The following MACROD2 variants were observed in gnomAD, a reference collection of about 807,000 sequenced individuals.
The protein encoded by MACROD2 is ADP-ribose glycohydrolase MACROD2.
In MACROD2, 36 loss-of-function variants were observed where a neutral mutation model predicts 70.4. That is an observed-to-expected ratio of 0.51 (90% CI 0.39 to 0.68). MACROD2 has a LOEUF of 0.68. MACROD2 is among the 30% of genes least tolerant of loss of function. MACROD2 has a pLI of 0.00. For missense variants in MACROD2, 496 were observed against 538.4 expected, an observed-to-expected ratio of 0.92 and a Z score of 0.78; for synonymous variants, 172 against 178.8, an observed-to-expected ratio of 0.96 and a Z score of 0.30.
intron 3 of MACROD2, among the ~76,000 whole-genome samples, chr20:14,429,201 G>A (rs1292317939): frequency 1.3e-5 from 2 of 152,116 alleles, no homozygotes; most frequent in African/African-American, 4.8e-5. Context: ...AGGTTCTAAG[G>A]TTGTAAGAAA....
intron 10 of MACROD2, among the ~76,000 whole-genome samples, chr20:15,925,160 A>G (rs755265893): frequency 5.8e-4 from 88 of 152,232 alleles, no homozygotes; most frequent in Admixed American, 4.9e-3. Context: ...CAACTAGTAG[A>G]ATAACTGTGT....
At chr20:14,776,893 A>G (rs990454679) in intron 5 of MACROD2, among the ~76,000 whole-genome samples, 14 of 152,028 alleles carry the variant, frequency 9.2e-5, no homozygotes. Context: ...CCAAATTTAA[A>G]TAAATAGAGC....
chr20:14,060,698 T>C (rs1468671044), intron 2 of MACROD2, among the ~76,000 whole-genome samples: 1 of 152,164 alleles, frequency 6.6e-6, no homozygotes, highest in Non-Finnish European at 1.5e-5. Context: ...TGCTATTATG[T>C]TATTTCTCTT....
intron 5 of MACROD2, among the ~76,000 whole-genome samples, chr20:14,968,854 G>C (rs1361067964): frequency 6.6e-6 from 1 of 152,058 alleles, no homozygotes; most frequent in Non-Finnish European, 1.5e-5. Flanking sequence ...TTCTAGCCCT[G>C]GGGTTCAAGT....
At chr20:15,857,444 T>G (rs556281211) in intron 8 of MACROD2, among the ~76,000 whole-genome samples, 1 of 152,280 alleles carries the variant, frequency 6.6e-6, no homozygotes, top group East Asian at 1.9e-4. Context: ...TGCCGAAGGA[T>G]CCAGTGCTCT....
intron 5 of MACROD2, among the ~76,000 whole-genome samples, chr20:14,980,220 GA>G (rs2074784580): frequency 6.6e-6 from 1 of 152,152 alleles, no homozygotes; most frequent in Admixed American, 6.5e-5. Flanking sequence ...TCTCATGAAT[GA>G]ATCAATCCAT....
chr20:15,862,297 A>G lies in MACROD2; in HGVS notation c.646-448A>G, dbSNP rs554722339. Among the ~76,000 whole-genome samples, 5 of 152,322 alleles carry G rather than the reference A, an allele frequency of 3.3e-5. No individual in the cohort carries two copies. The South Asian group carries it at 1.0e-3, about 32-fold the overall frequency. On this transcript the variant is annotated intron_variant, in intron 8 of 17. Coordinates refer to ENST00000684519, the MANE Select transcript of MACROD2 (RefSeq NM_001351661.2). ...GCTTTTTAGGCCTTGTTCAAATACT[A>G]ACAGGTTTGATAAATATATTTGTCT... is the stretch of plus-strand genomic sequence containing the variant.
At chr20:14,976,135 T>A (rs1461678650) in intron 5 of MACROD2, among the ~76,000 whole-genome samples, 1 of 152,160 alleles carries the variant, frequency 6.6e-6, no homozygotes, top group African/African-American at 2.4e-5. Context: ...TGTGCAGTTG[T>A]TTTTCTCATT....
intron 5 of MACROD2, among the ~76,000 whole-genome samples, chr20:15,213,744 G>A (rs2145951896): frequency 6.6e-6 from 1 of 152,286 alleles, no homozygotes. Flanking sequence ...AATGGTTTGT[G>A]AGAGGGGCCA....
chr20:14,448,965 G>T (rs1437599506), intron 3 of MACROD2, among the ~76,000 whole-genome samples: 1 of 151,960 alleles, frequency 6.6e-6, no homozygotes, highest in African/African-American at 2.4e-5. Context: ...AACAATTTGA[G>T]AATTATTAAC....
chr20:14,601,282 A>G (rs2123404832), intron 4 of MACROD2, among the ~76,000 whole-genome samples: 1 of 152,242 alleles, frequency 6.6e-6, no homozygotes, highest in East Asian at 1.9e-4. Context: ...ATCAGGCATT[A>G]GATTCTCATA....
At position 14,721,072 on chromosome 20, in the gene MACROD2, C is replaced by T. The variant is rs561095913; in HGVS notation, c.418+36113C>T. The stretch of plus-strand genomic sequence containing the variant: ...GAGTTAGCGACCAGCCTGGGCAACA[C>T]GATGAAACCCCGTCTCTACTAAAAT... On this transcript the variant is annotated intron_variant, in intron 5 of 17. Coordinates refer to ENST00000684519, the MANE Select transcript of MACROD2 (RefSeq NM_001351661.2). 9.5e-4 allele frequency among the ~76,000 whole-genome samples: 143 copies of T among 151,060 alleles called. No individual in the cohort carries two copies. The Middle Eastern group carries it at 0.01, about 11-fold the overall frequency.
intron 17 of MACROD2, among the ~76,000 whole-genome samples, chr20:16,048,800 G>C (rs1016148071): frequency 6.6e-6 from 1 of 151,120 alleles, no homozygotes; most frequent in Admixed American, 6.6e-5. Context: ...CCACAATTCT[G>C]TTCCCGAGTA....
chr20:14,290,643 G>T (rs140313208), intron 3 of MACROD2, among the ~76,000 whole-genome samples: 2,290 of 152,086 alleles, frequency 0.015, 24 homozygotes, highest in African/African-American at 0.027. Context: ...CCAAGTAACT[G>T]GGATTAGAGG....
At chr20:15,538,252 C>T (rs2047903502) in intron 8 of MACROD2, among the ~76,000 whole-genome samples, 1 of 152,102 alleles carries the variant, frequency 6.6e-6, no homozygotes, top group African/African-American at 2.4e-5. Flanking sequence ...ATGTCAGATA[C>T]TGGGCTGGGT....
chr20:14,435,220 C>T (rs1028175194), intron 3 of MACROD2, among the ~76,000 whole-genome samples: 1 of 152,148 alleles, frequency 6.6e-6, no homozygotes. Context: ...CAACCTCTGC[C>T]TCCATCTTCA....
At chr20:15,918,428 C>T (rs561659279) in intron 10 of MACROD2, among the ~76,000 whole-genome samples, 1 of 152,274 alleles carries the variant, frequency 6.6e-6, no homozygotes, top group East Asian at 1.9e-4. Flanking sequence ...AACTTTTGCT[C>T]TAACTTGACA....
At chr20:15,750,074 G>A (rs2051245515) in intron 8 of MACROD2, among the ~76,000 whole-genome samples, 1 of 151,944 alleles carries the variant, frequency 6.6e-6, no homozygotes, top group Admixed American at 6.6e-5. Flanking sequence ...CTACAGAATG[G>A]GAAATAAGAT....
chr20:15,084,409 C>T (rs1159976763), intron 5 of MACROD2, among the ~76,000 whole-genome samples: 3 of 152,076 alleles, frequency 2.0e-5, no homozygotes, highest in African/African-American at 4.8e-5. Context: ...TCCTCTTCAC[C>T]ATGAGATCAC....
Sources: allele counts gnomAD v4.1 joint callset (sites outside exome capture counted in the v4.1 genomes callset), GRCh38; gene constraint gnomAD v4.1.1; transcripts MANE v1.5; gene names NCBI Gene and HGNC (gene_info 2026-07-23, HGNC 2026-07-21).